HNF4G: variants seen among roughly 807,000 people sequenced by gnomAD.
HNF4G encodes hepatocyte nuclear factor 4-gamma.
In HNF4G, 21 loss-of-function variants were observed where a neutral mutation model predicts 50.9. The ratio of observed to expected loss-of-function variants is 0.41; its 90% CI spans 0.29 to 0.59. HNF4G has a LOEUF of 0.59. Ranked by LOEUF, HNF4G falls within the 20% of genes least tolerant of loss-of-function variation. The pLI is 0.26. For missense variants in HNF4G, 527 were observed against 559.4 expected, an observed-to-expected ratio of 0.94 and a Z score of 0.58; for synonymous variants, 198 against 185.6, an observed-to-expected ratio of 1.07 and a Z score of -0.54.
intron 1 of HNF4G, among the ~76,000 whole-genome samples, chr8:75,450,541 T>C (rs1192086339): frequency 1.3e-5 from 2 of 152,244 alleles, no homozygotes; most frequent in Non-Finnish European, 2.9e-5. Flanking sequence ...TATACTAATT[T>C]ACATTCTCAC....
chr8:75,560,150 A>G (rs1243504543), intron 8 of HNF4G, among the ~76,000 whole-genome samples, 194 bp from the exon 9 acceptor site: 1 of 152,236 alleles, frequency 6.6e-6, no homozygotes, highest in Non-Finnish European at 1.5e-5. Flanking sequence ...ATGCAACATT[A>G]ATCTAGCCAA....
At chr8:75,449,741 T>C (rs1811539546) in intron 1 of HNF4G, among the ~76,000 whole-genome samples, 1 of 151,988 alleles carries the variant, frequency 6.6e-6, no homozygotes, top group African/African-American at 2.4e-5. Context: ...TCTCCTGACC[T>C]CGTGATCCGC....
At chr8:75,504,114 C>G (rs1321946278) in intron 2 of HNF4G, among the ~76,000 whole-genome samples, 1 of 151,830 alleles carries the variant, frequency 6.6e-6, no homozygotes, top group African/African-American at 2.4e-5. Flanking sequence ...CCCAGCTACT[C>G]AGGAGGCTGA....
Position 75,558,687 on chromosome 8 carries a change from C to G in HNF4G, c.886+17C>G. ...TTGATCCAGGTTGGTTTTCAAAATT[C>G]CACTAGAGAATTAATATAATAAAAA... On this transcript the variant is annotated intron_variant, in intron 7 of 9. Coordinates refer to ENST00000396423, the MANE Select transcript of HNF4G (RefSeq NM_004133.5). 1 of 1,602,788 alleles carries G rather than the reference C, an allele frequency of 6.2e-7. No individual in the cohort carries two copies. Among genetic ancestry groups the G allele is most frequent in the South Asian group, 1.1e-5 (1 of 89,402 alleles).
At position 75,468,701 on chromosome 8, in the gene HNF4G, A is replaced by AT. The variant is rs888011270; in HGVS notation, c.-143-21388_-143-21387insT. ...AGAGCGAGACTCCATCTCAAAAAAA[A>AT]AAAATTATATGTAGAGTTTTCTAAT... On this transcript the variant is annotated intron_variant, in intron 1 of 10. Transcript: ENST00000354370. Among the ~76,000 whole-genome samples, 20 of 152,296 alleles carry AT rather than the reference A, an allele frequency of 1.3e-4. No individual in the cohort carries two copies. The East Asian group carries it at 3.5e-3, about 26-fold the overall frequency.
intron 1 of HNF4G, among the ~76,000 whole-genome samples, chr8:75,486,676 T>A (rs1333083524): frequency 1.3e-5 from 2 of 152,168 alleles, no homozygotes; most frequent in Admixed American, 6.5e-5. Flanking sequence ...AAGTTTATAG[T>A]TGATTTTGGA....
chr8:75,554,889 G>C (rs1169056043), intron 5 of HNF4G, among the ~76,000 whole-genome samples: 1 of 152,200 alleles, frequency 6.6e-6, no homozygotes, highest in Admixed American at 6.6e-5. Context: ...CTGAGACCCT[G>C]AAAGACAAGG....
intron 1 of HNF4G, among the ~76,000 whole-genome samples, chr8:75,449,946 G>A (rs949198295): frequency 6.6e-6 from 1 of 152,180 alleles, no homozygotes; most frequent in Non-Finnish European, 1.5e-5. Flanking sequence ...CCCGATGTAT[G>A]TATATTCTTC....
intron 1 of HNF4G, among the ~76,000 whole-genome samples, chr8:75,430,697 A>C (rs1810996644): frequency 6.6e-6 from 1 of 152,218 alleles, no homozygotes; most frequent in Non-Finnish European, 1.5e-5. Flanking sequence ...CTTGGTTGAT[A>C]GTGTCCCCAA....
intron 9 of HNF4G, 39 bp downstream of exon 9, chr8:75,560,505 A>T: frequency 6.3e-7 from 1 of 1,575,708 alleles, no homozygotes; most frequent in Non-Finnish European, 8.6e-7. Flanking sequence ...GATATTTCTT[A>T]ATTACCCAAG....
chr8:75,418,268 C>A (rs111714985), intron 1 of HNF4G, among the ~76,000 whole-genome samples: 1 of 152,080 alleles, frequency 6.6e-6, no homozygotes, highest in Non-Finnish European at 1.5e-5. Context: ...GAGGGCCCAC[C>A]AACTTGACTT....
chr8:75,449,246 A>C (rs1328567525), intron 1 of HNF4G, among the ~76,000 whole-genome samples: 2 of 152,120 alleles, frequency 1.3e-5, no homozygotes, highest in Non-Finnish European at 2.9e-5. Flanking sequence ...GACAGATTAT[A>C]AATACTGTAG....
chr8:75,507,312 T>C (rs901208067), intron 2 of HNF4G, among the ~76,000 whole-genome samples: 2 of 149,854 alleles, frequency 1.3e-5, no homozygotes, highest in Admixed American at 6.8e-5. Context: ...CAGGCTGGAG[T>C]GCAGCGGCGT....
intron 1 of HNF4G, among the ~76,000 whole-genome samples, chr8:75,461,166 T>C (rs933910541): frequency 1.3e-5 from 2 of 152,160 alleles, no homozygotes; most frequent in Admixed American, 1.3e-4. Flanking sequence ...ACAACACAAA[T>C]CTATTATTTT....
At chr8:75,543,617 A>G (rs1442028582) in intron 1 of HNF4G, among the ~76,000 whole-genome samples, 194 bp from the exon 2 acceptor site, 1 of 152,120 alleles carries the variant, frequency 6.6e-6, no homozygotes, top group Non-Finnish European at 1.5e-5. Context: ...ATGGTGTCCC[A>G]AAGTTAAATG....
chr8:75,559,565 C>T (rs1036550691), intron 8 of HNF4G, among the ~76,000 whole-genome samples: 1 of 151,964 alleles, frequency 6.6e-6, no homozygotes, highest in Non-Finnish European at 1.5e-5. Context: ...AGCCACTGCA[C>T]CCAGCCTGAA....
chr8:75,479,574 T>A (rs1034650683), intron 1 of HNF4G, among the ~76,000 whole-genome samples: 1 of 117,328 alleles, frequency 8.5e-6, no homozygotes, highest in African/African-American at 5.3e-5. Flanking sequence ...TCACTTCATT[T>A]GCATTTTTTT....
At chr8:75,486,098 TACAGATGAATGAATG>T (rs987458153) in intron 1 of HNF4G, among the ~76,000 whole-genome samples, 1 of 152,218 alleles carries the variant, frequency 6.6e-6, no homozygotes, top group Non-Finnish European at 1.5e-5. Context: ...ATGCCAGACT[TACAGATGAATGAATG>T]ACTGAATGAA....
chr8:75,463,488 ATTACACCATC>A (rs1811899248), intron 1 of HNF4G, among the ~76,000 whole-genome samples: 1 of 152,102 alleles, frequency 6.6e-6, no homozygotes, highest in Non-Finnish European at 1.5e-5. Flanking sequence ...GGCCAATTTA[ATTACACCATC>A]TTTCCTTGCC....
Sources: gnomAD v4.1 joint callset for allele counts (sites outside exome capture counted in the v4.1 genomes callset) on GRCh38, gnomAD v4.1.1 for gene constraint, MANE v1.5 for transcripts, NCBI Gene and HGNC (gene_info 2026-07-23, HGNC 2026-07-21) for gene names.